Variants in VILL observed in about 807,000 individuals in gnomAD.
The protein encoded by VILL is villin-like protein.
Under a neutral mutation model 106.3 loss-of-function variants are expected in VILL, and 102 were observed. The observed-to-expected ratio is 0.96, with a 90% CI of 0.82 to 1.13. The LOEUF (loss-of-function observed/expected upper bound fraction) is 1.13. VILL is among the 50% of genes most tolerant of loss of function. The pLI, the probability that VILL is intolerant of heterozygous loss-of-function variation, is 0.00. For missense variants in VILL, 1,076 were observed against 1,116.6 expected (o/e 0.96, Z 0.52); for synonymous variants, 431 against 440.3 (o/e 0.98, Z 0.27).
At position 37,993,706 on chromosome 3, in the gene VILL, G is replaced by A. The variant is rs1402562998; in HGVS notation, c.34G>A (p.Gly12Arg). 1.2e-6 allele frequency: 2 copies of A among 1,614,126 alleles called. No homozygotes were observed. The highest frequency in any genetic ancestry group is 2.2e-5 in the South Asian group (2 of 91,082). Reference protein sequence around the residue: ...DISKGLPGMQGGLHIWISENR... With the variant: ...DISKGLPGMQRGLHIWISENR... ...CAGCAAGGGCCTCCCAGGCATGCAG[G>A]GAGGCCTCCACATATGGATCTCTGA... Residue 12 changes from glycine (G) to arginine (R), a missense_variant, in exon 2 of 20, where the codon GGA becomes AGA. Coordinates refer to ENST00000383759, the MANE Select transcript of VILL (RefSeq NM_015873.4).
chr3:37,998,197 C>G lies in VILL; in HGVS notation c.843+29C>G, dbSNP rs1699741806. 2 of 1,613,728 alleles carry G rather than the reference C, an allele frequency of 1.2e-6. No homozygotes were observed. Among genetic ancestry groups the G allele is most frequent in the African/African-American group, 1.3e-5 (1 of 74,926 alleles). The stretch of plus-strand genomic sequence containing the variant: ...AGGAAGGCCTGGCCCCAGCTACTTG[C>G]ATCCTTCCCCATCCACAACCCCAGC... On this transcript the variant is annotated intron_variant, in intron 8 of 19. Coordinates refer to ENST00000383759, the MANE Select transcript of VILL (RefSeq NM_015873.4). The surrounding 1 kb of genome is among the most constrained non-coding windows in gnomAD (Gnocchi z 4.1).
rs759432697 is a variant in VILL, at chr3:38,006,452, G to T, written c.2209G>T (p.Val737Phe). 3.8e-6 allele frequency: 6 copies of T among 1,598,350 alleles called. No homozygotes were observed. In the East Asian group the frequency reaches 1.1e-4, roughly 30 times the overall value. ...CCTGAGGCTCCTCTCTGGACAGGAA[G>T]TCAACAACTTGCGGCTATCCAGATG... ...ASTISEITAEVNNLRLSRWPG... is the reference protein window; with the variant it reads ...ASTISEITAEFNNLRLSRWPG... Residue 737 changes from valine to phenylalanine, a missense_variant, in exon 19 of 20, where the codon GTC becomes TTC. Coordinates refer to ENST00000383759, the MANE Select transcript of VILL (RefSeq NM_015873.4).
chr3:37,993,452 T>G (rs1699639813), intron 1 of VILL, 135 bp from the exon 2 acceptor site: 1 of 562,914 alleles, frequency 1.8e-6, no homozygotes, highest in African/African-American at 1.9e-5. Context: ...GTCAAGTGTT[T>G]ATGCCTAATC....
At position 37,998,621 on chromosome 3, in the gene VILL, C is replaced by T. The variant is rs1006571968; in HGVS notation, c.942+257C>T. Among the ~76,000 whole-genome samples, 3 of 152,068 alleles carry T rather than the reference C, an allele frequency of 2.0e-5. No homozygotes were observed. Among genetic ancestry groups the T allele is most frequent in the African/African-American group, 7.2e-5 (3 of 41,420 alleles). On this transcript the variant is annotated intron_variant, in intron 9 of 19. Transcript: ENST00000383759. The surrounding 1 kb of genome is among the most constrained non-coding windows in gnomAD (Gnocchi z 4.1). ...CAGGTCTGGGGCCCTACTGACTGGG[C>T]GGTCCCGCTTTCTGAGGGTGGGGCT...
Position 38,007,089 on chromosome 3 carries a change from A to AC in VILL, c.*38dup. 1.3e-6 allele frequency: 2 copies of AC among 1,545,386 alleles called. No individual in the cohort carries two copies. Among genetic ancestry groups the AC allele is most frequent in the Non-Finnish European group, 1.8e-6 (2 of 1,119,494 alleles). ...CCTCTCGACTGCCCCTATCCCCTGG[A>AC]CCCCAACATACCTACAATGCTGGGG... On this transcript the variant is annotated 3_prime_UTR_variant, in exon 20 of 20. Coordinates refer to ENST00000383759, the MANE Select transcript of VILL (RefSeq NM_015873.4).
chr3:38,006,372 GC>G, intron 18 of VILL, 76 bp from the exon 19 acceptor site: 2 of 1,594,410 alleles, frequency 1.3e-6, no homozygotes, highest in South Asian at 2.3e-5. Flanking sequence ...GAGGTAAGAG[GC>G]CTGTGGGTTC....
chr3:37,992,654 G>A (rs995736273), intron 1 of VILL, among the ~76,000 whole-genome samples: 3 of 152,104 alleles, frequency 2.0e-5, no homozygotes, highest in South Asian at 2.1e-4. Flanking sequence ...ATAGGGTGTC[G>A]GGAGGAGCTG....
chr3:37,993,712 C>G lies in VILL; in HGVS notation c.40C>G (p.Leu14Val). 1 of 1,614,114 alleles carries G rather than the reference C, an allele frequency of 6.2e-7. No homozygotes were observed. Among genetic ancestry groups the G allele is most frequent in the East Asian group, 2.2e-5 (1 of 44,884 alleles). The change falls in exon 2 of 20, where the codon CTC becomes GTC. Residue 14 changes from leucine to valine, a missense_variant. By Grantham distance (32) the Leu-to-Val change is conservative (BLOSUM62 1). Coordinates refer to ENST00000383759, the MANE Select transcript of VILL (RefSeq NM_015873.4). ...SKGLPGMQGG[L>V]HIWISENRKM... ...GGGCCTCCCAGGCATGCAGGGAGGC[C>G]TCCACATATGGATCTCTGAGGTGAG...
At chr3:38,000,499 CACAGAGAGAG>C (rs1699793133) in intron 11 of VILL, among the ~76,000 whole-genome samples, 1 of 151,808 alleles carries the variant, frequency 6.6e-6, no homozygotes, top group African/African-American at 2.4e-5. Context: ...AGATGGGATA[CACAGAGAGAG>C]ACAGAGAGCC....
intron 13 of VILL, 181 bp downstream of exon 13, chr3:38,002,041 C>T: frequency 2.0e-6 from 2 of 975,810 alleles, no homozygotes; most frequent in South Asian, 3.2e-5. Context: ...GTTTCCCTCC[C>T]CAGTCCCAGA....
At chr3:38,006,046 T>C (rs1699913919) in intron 17 of VILL, 72 bp downstream of exon 17, 8 of 1,590,170 alleles carry the variant, frequency 5.0e-6, no homozygotes, top group Non-Finnish European at 6.9e-6. Context: ...GCCAATGGAA[T>C]GAGGAGGCAC....
chr3:37,994,590 T>C, intron 4 of VILL, 124 bp downstream of exon 4: 1 of 1,021,528 alleles, frequency 9.8e-7, no homozygotes, highest in Non-Finnish European at 1.4e-6. Flanking sequence ...GGGTAACACC[T>C]TTATTGAGAT....
At chr3:37,999,095 G>T (rs1370518787) in intron 10 of VILL, 45 bp downstream of exon 10, 2 of 1,162,664 alleles carry the variant, frequency 1.7e-6, no homozygotes, top group East Asian at 6.3e-5. Context: ...CGGGACTGGC[G>T]GGGGCGGGGC....
chr3:37,990,963 A>AGGC lies in VILL; in HGVS notation c.-87+138_-87+140dup, dbSNP rs1699601678. 1 of 152,376 alleles carries AGGC rather than the reference A, an allele frequency of 6.6e-6. No individual in the cohort carries two copies. The highest frequency in any genetic ancestry group is 6.5e-5 in the Admixed American group (1 of 15,276). The allele number at this position is 152,376 out of a possible 1,614,324, so 9.4% of individuals were successfully genotyped here. A position where few individuals can be genotyped will look rare whatever the true frequency, so the allele number is the denominator to read the frequency against. On this transcript the variant is annotated intron_variant, in intron 1 of 19. Coordinates refer to ENST00000383759, the MANE Select transcript of VILL (RefSeq NM_015873.4). The surrounding 1 kb of genome is among the most constrained non-coding windows in gnomAD (Gnocchi z 5.1). ...ACAGAGCCTCCGCGGCAGAATTGGG[A>AGGC]GGCGGCAGCAGCCCAGCAGGTGAAA...
rs750270993 is a variant in VILL at position 37,997,514 on chromosome 3, G to A, written c.593G>A (p.Arg198Lys). 1 of 1,614,074 alleles carries A rather than the reference G, an allele frequency of 6.2e-7. No individual in the cohort carries two copies. The highest frequency in any genetic ancestry group is 8.5e-7 in the Non-Finnish European group (1 of 1,180,022). The part of the protein sequence containing the change: ...GLALTYSLRD[R>K]ERGGGRAQIG... ...GCTTTGACCTACAGCCTCCGGGACA[G>A]GGAACGTGGTGGTGGTCGTGCACAG... Residue 198 changes from arginine to lysine, a missense_variant, in exon 7 of 20, where the codon AGG becomes AAG. Physicochemically the swap from Arg to Lys is conservative, Grantham distance 26. Transcript: ENST00000383759. The surrounding 1 kb of genome is among the most constrained non-coding windows in gnomAD (Gnocchi z 4.7).
chr3:37,995,945 C>A, intron 5 of VILL, 98 bp downstream of exon 5: 1 of 930,006 alleles, frequency 1.1e-6, no homozygotes, highest in Non-Finnish European at 1.7e-6. Context: ...TTGTGGGGAA[C>A]AAGGAGCTGT....
rs1353810258 is a variant in VILL at position 37,997,610 on chromosome 3, G to C, written c.689G>C (p.Arg230Thr). The C allele has an allele frequency of 2.5e-6, 4 of 1,613,654 alleles. No homozygotes were observed. In the Admixed American group the frequency reaches 5.0e-5, roughly 20 times the overall value. ...ATCATGGAGGCTGTGCTGGGCCGCA[G>C]GGTGGGCAGCCTGCGTGCCGCCACG... ...MQIMEAVLGR[R>T]VGSLRAATPS... The change falls in exon 7 of 20, where the codon AGG (arginine) becomes ACG (threonine). Residue 230 changes from arginine to threonine, a missense_variant. Arg to Thr is a moderately conservative substitution (Grantham distance 71). Transcript: ENST00000383759. The surrounding 1 kb of genome is among the most constrained non-coding windows in gnomAD (Gnocchi z 4.7).
Position 38,007,154 on chromosome 3 carries a change from C to G in VILL, c.*99C>G. The G allele has an allele frequency of 1.0e-6, 1 of 984,930 alleles. No individual in the cohort carries two copies. Among genetic ancestry groups the G allele is most frequent in the Non-Finnish European group, 1.6e-6 (1 of 642,320 alleles). The allele number at this position is 984,930 out of a possible 1,614,324, so 61.0% of individuals were successfully genotyped here. On this transcript the variant is annotated 3_prime_UTR_variant, in exon 20 of 20. Coordinates refer to ENST00000383759, the MANE Select transcript of VILL (RefSeq NM_015873.4). ...CTCCCCTCAGAGGCTTTTGGTCATC[C>G]TCTGCGTGTCAGTAAAAGCAGGCAG...
chr3:38,005,355 G>A (rs770984439), intron 16 of VILL, among the ~76,000 whole-genome samples: 4 of 152,158 alleles, frequency 2.6e-5, no homozygotes, highest in South Asian at 2.1e-4. Context: ...CGGCCACCTC[G>A]GGGCTTTTAC....
Sources: gnomAD v4.1 joint callset for allele counts (sites outside exome capture counted in the v4.1 genomes callset) on GRCh38, gnomAD v4.1.1 for gene constraint, Gnocchi (gnomAD v3.1) non-coding constraint, MANE v1.5 for transcripts, NCBI Gene and HGNC (gene_info 2026-07-23, HGNC 2026-07-21) for gene names.